Variants in F13A1 observed in about 807,000 individuals in gnomAD.
The protein encoded by F13A1 is coagulation factor XIII A chain, also known as FSF, A subunit.
Under a neutral mutation model 80.1 loss-of-function variants are expected in F13A1, and 47 were observed. The observed-to-expected ratio is 0.59, with a 90% CI of 0.46 to 0.75. The LOEUF is 0.75. F13A1 is among the 30% of genes least tolerant of loss of function. F13A1 has a pLI of 0.00. For synonymous variants in F13A1, 349 were observed against 344.9 expected, an observed-to-expected ratio of 1.01 and a Z score of -0.13; for missense variants, 817 against 930.4, an observed-to-expected ratio of 0.88 and a Z score of 1.59.
intron 6 of F13A1, among the ~76,000 whole-genome samples, chr6:6,230,014 A>G (rs1757328522): frequency 6.6e-6 from 1 of 152,082 alleles, no homozygotes; most frequent in African/African-American, 2.4e-5. Context: ...TGGACAGAGG[A>G]GCAGAGGATA....
chr6:6,300,446 G>T (rs1250322554), intron 3 of F13A1, among the ~76,000 whole-genome samples: 1 of 151,878 alleles, frequency 6.6e-6, no homozygotes, highest in Admixed American at 6.5e-5. Context: ...ATCTCCTGAT[G>T]CGCCGTTTTT....
chr6:6,158,750 C>T (rs1356295129), intron 13 of F13A1, among the ~76,000 whole-genome samples: 2 of 140,338 alleles, frequency 1.4e-5, no homozygotes, highest in Non-Finnish European at 3.1e-5. Context: ...ATAATTAGAA[C>T]ACATAGTCTG....
intron 6 of F13A1, among the ~76,000 whole-genome samples, chr6:6,238,931 T>C (rs997454274): frequency 1.3e-5 from 2 of 152,166 alleles, no homozygotes; most frequent in Admixed American, 6.6e-5. Context: ...GTAGAGCTGC[T>C]TTGGAAAACT....
rs1758567147 is a variant in F13A1, at chr6:6,309,955, G to A, written c.131-4416C>T. On this transcript the variant is annotated intron_variant, in intron 2 of 14. Coordinates refer to ENST00000264870, the MANE Select transcript of F13A1 (RefSeq NM_000129.4). Reference sequence around the variant, plus strand: ...CAAGCAGCTCTACCTACAAGGCAAAGTAAGGCTGGAGACGGAGAAATATTC... The same window carrying A: ...CAAGCAGCTCTACCTACAAGGCAAAATAAGGCTGGAGACGGAGAAATATTC... Among the ~76,000 whole-genome samples the A allele has an allele frequency of 2.0e-5, 3 of 152,174 alleles. No individual in the cohort carries two copies. The South Asian group carries it at 6.2e-4, about 31-fold the overall frequency.
chr6:6,206,538 CTT>C, intron 8 of F13A1: 1 of 490,822 alleles, frequency 2.0e-6, no homozygotes, highest in Non-Finnish European at 4.2e-6. Context: ...TCAAGTGAGA[CTT>C]GAGTGGAATG....
intron 3 of F13A1, among the ~76,000 whole-genome samples, chr6:6,267,754 G>A (rs1757865996): frequency 6.6e-6 from 1 of 152,074 alleles, no homozygotes; most frequent in African/African-American, 2.4e-5. Flanking sequence ...AAAAAATAAG[G>A]GATGAAAGGA....
intron 2 of F13A1, among the ~76,000 whole-genome samples, chr6:6,316,240 A>C (rs1185733158): frequency 6.7e-6 from 1 of 148,804 alleles, no homozygotes; most frequent in Non-Finnish European, 1.5e-5. Flanking sequence ...TTGTCTGTGA[A>C]AAATATTAAA....
intron 6 of F13A1, among the ~76,000 whole-genome samples, chr6:6,244,195 G>A (rs977080115): frequency 4.6e-5 from 7 of 152,156 alleles, no homozygotes; most frequent in African/African-American, 1.2e-4. Flanking sequence ...GTAAGTGTTC[G>A]GATGGCACAA....
intron 2 of F13A1, 196 bp from the exon 3 acceptor site, chr6:6,305,735 T>C (rs1758504224): frequency 3.3e-6 from 2 of 602,090 alleles, no homozygotes; most frequent in Admixed American, 5.5e-5. Flanking sequence ...TGAAGAGAGC[T>C]TTTTAAAGCT....
At chr6:6,237,045 G>T (rs764957658) in intron 6 of F13A1, among the ~76,000 whole-genome samples, 2 of 152,116 alleles carry the variant, frequency 1.3e-5, no homozygotes, top group African/African-American at 2.4e-5. Flanking sequence ...GGTGGGGCAG[G>T]TGAGAATTGA....
chr6:6,152,041 T>A (rs1230757615), intron 13 of F13A1, 92 bp from the exon 14 acceptor site: 1 of 1,510,160 alleles, frequency 6.6e-7, no homozygotes, highest in African/African-American at 1.4e-5. Context: ...TAGAGTTTTA[T>A]GATACAGTTA....
intron 10 of F13A1, among the ~76,000 whole-genome samples, chr6:6,187,480 CAT>C (rs1300209529): frequency 3.1e-5 from 2 of 64,304 alleles, no homozygotes. Flanking sequence ...TTGAGATAAT[CAT>C]GTGGTTTTTG....
chr6:6,170,769 T>C (rs1357366427), intron 12 of F13A1, among the ~76,000 whole-genome samples: 1 of 152,158 alleles, frequency 6.6e-6, no homozygotes, highest in African/African-American at 2.4e-5. Flanking sequence ...CTTGGAAAGC[T>C]TTCTTTGCAG....
intron 6 of F13A1, among the ~76,000 whole-genome samples, chr6:6,233,772 A>T (rs1757381686): frequency 6.6e-6 from 1 of 152,110 alleles, no homozygotes; most frequent in South Asian, 2.1e-4. Flanking sequence ...GTTTCATAAC[A>T]GGAATGTGGA....
rs5982 is a variant in F13A1, at chr6:6,174,633, G to A, written c.1694C>T (p.Pro565Leu). 344,916 of 1,613,906 alleles carry A rather than the reference G, an allele frequency of 0.21. 38,795 individuals carry two copies. Among genetic ancestry groups the A allele is most frequent in the South Asian group, 0.33 (29,956 of 91,070 alleles). Reference protein sequence around the residue: ...SANITFYTGVPKAEFKKETFD... With the variant: ...SANITFYTGVLKAEFKKETFD... ...CGTCTCCTTCTTGAATTCTGCCTTC[G>A]GGACCCCGGTGTAGAAGGTGATGTT... The change falls in exon 12 of 15, where the codon CCG (proline) becomes CTG (leucine). Residue 565 changes from proline to leucine, a missense_variant. Physicochemically the swap from Pro to Leu is moderately conservative, Grantham distance 98. Coordinates refer to ENST00000264870, the MANE Select transcript of F13A1 (RefSeq NM_000129.4).
rs374508373 is a variant in F13A1, at chr6:6,174,687, C to T, written c.1640G>A (p.Arg547His). Residue 547 changes from arginine (R) to histidine (H), a missense_variant, in exon 12 of 15, where the codon CGT becomes CAT. Transcript: ENST00000264870. ...SITFRNNSHN[R>H]YTITAYLSAN... ...TGAGAGATAAGCTGTGATGGTGTAA[C>T]GGTTGTGGCTGTTGTTCCGGAAGGT... 39 of 1,614,038 alleles carry T rather than the reference C, an allele frequency of 2.4e-5. No homozygotes were observed. Among genetic ancestry groups the T allele is most frequent in the Middle Eastern group, 1.6e-4 (1 of 6,084 alleles).
intron 3 of F13A1, among the ~76,000 whole-genome samples, chr6:6,277,848 C>T (rs896083520): frequency 9.2e-5 from 14 of 152,114 alleles, no homozygotes; most frequent in Admixed American, 3.3e-4. Context: ...ACATTAAGAC[C>T]CTCTTCATAA....
intron 4 of F13A1, among the ~76,000 whole-genome samples, chr6:6,260,497 C>T (rs1336734229): frequency 2.6e-5 from 4 of 152,172 alleles, no homozygotes; most frequent in Admixed American, 2.6e-4. Flanking sequence ...TTCCAGTTAC[C>T]AGGCCATAGC....
intron 2 of F13A1, among the ~76,000 whole-genome samples, chr6:6,316,569 T>G (rs11243078): frequency 0.14 from 22,017 of 152,142 alleles, 2,090 homozygotes; most frequent in African/African-American, 0.26. Context: ...TACCTGCACA[T>G]GTTCTCTGAC....
Sources: allele counts gnomAD v4.1 joint callset (sites outside exome capture counted in the v4.1 genomes callset), GRCh38; gene constraint gnomAD v4.1.1; transcripts MANE v1.5; gene names NCBI Gene and HGNC (gene_info 2026-07-23, HGNC 2026-07-21).